The following CCDC171 variants were observed in gnomAD, a reference collection of about 807,000 sequenced individuals.
The protein encoded by CCDC171 is coiled-coil domain-containing protein 171.
Under a neutral mutation model 168.2 loss-of-function variants are expected in CCDC171, and 177 were observed. The ratio of observed to expected loss-of-function variants is 1.05; its 90% CI spans 0.93 to 1.19. The LOEUF (loss-of-function observed/expected upper bound fraction) is 1.19, where lower values mean the gene tolerates loss of function less well. Among genes scored for constraint, CCDC171 ranks in the 50% most tolerant of loss-of-function variants. CCDC171 has a pLI of 0.00. For missense variants in CCDC171, 1,991 were observed against 1,539.0 expected (o/e 1.29, Z -4.91); for synonymous variants, 687 against 540.8 (o/e 1.27, Z -3.75).
chr9:16,003,031 C>G (rs1382097368), intron 3 of CCDC171, among the ~76,000 whole-genome samples: 1 of 152,188 alleles, frequency 6.6e-6, no homozygotes, highest in African/African-American at 2.4e-5. Flanking sequence ...TAGAACATAT[C>G]CTTGTTAAGT....
chr9:15,817,997 T>A (rs2059623898), intron 21 of CCDC171, among the ~76,000 whole-genome samples: 1 of 116,616 alleles, frequency 8.6e-6, no homozygotes, highest in East Asian at 2.2e-4. Context: ...GAGACAAAAC[T>A]TCCAGAGGAA....
intron 24 of CCDC171, among the ~76,000 whole-genome samples, chr9:15,889,798 G>A (rs1321936746): frequency 6.6e-6 from 1 of 152,088 alleles, no homozygotes; most frequent in African/African-American, 2.4e-5. Context: ...CAGATTTTTT[G>A]AAGGATCTGG....
intron 18 of CCDC171, among the ~76,000 whole-genome samples, chr9:15,767,560 G>A (rs2056788324): frequency 6.6e-6 from 1 of 151,868 alleles, no homozygotes; most frequent in South Asian, 2.1e-4. Context: ...AGGTTCCAGG[G>A]ATTAGAATGT....
chr9:15,614,226 T>C (rs1010204202), intron 6 of CCDC171, among the ~76,000 whole-genome samples: 1 of 152,140 alleles, frequency 6.6e-6, no homozygotes, highest in Non-Finnish European at 1.5e-5. Context: ...TGTCAGAGCT[T>C]TTCAAAGGCT....
At chr9:15,924,556 A>G (rs558603657) in intron 25 of CCDC171, among the ~76,000 whole-genome samples, 4 of 151,628 alleles carry the variant, frequency 2.6e-5, no homozygotes, top group African/African-American at 9.6e-5. Context: ...TACAAATTTC[A>G]TCATTTTATC....
chr9:16,058,479 T>G (rs998493684), intron 1 of CCDC171, among the ~76,000 whole-genome samples: 16 of 152,216 alleles, frequency 1.1e-4, no homozygotes, highest in Admixed American at 9.2e-4. Flanking sequence ...TTTGTGAGCA[T>G]GAAGATTCTC....
At chr9:15,810,728 G>C (rs145266416) in intron 21 of CCDC171, among the ~76,000 whole-genome samples, 22 of 152,298 alleles carry the variant, frequency 1.4e-4, no homozygotes, top group Middle Eastern at 6.8e-3. Context: ...CGCCCACCCG[G>C]AACTCGCGCT....
chr9:15,804,237 T>G (rs1338611144), intron 21 of CCDC171, among the ~76,000 whole-genome samples: 1 of 152,146 alleles, frequency 6.6e-6, no homozygotes, highest in African/African-American at 2.4e-5. Context: ...TTGTCTTGCC[T>G]GATTGCCCTG....
At chr9:15,612,906 A>G (rs1458916421) in intron 6 of CCDC171, among the ~76,000 whole-genome samples, 1 of 152,128 alleles carries the variant, frequency 6.6e-6, no homozygotes, top group Non-Finnish European at 1.5e-5. Flanking sequence ...ACTTTTCTGC[A>G]GGTTTATGTA....
chr9:15,821,939 C>G lies in CCDC171; in HGVS notation c.3268-24763C>G, dbSNP rs1588689291. 2.0e-5 allele frequency among the ~76,000 whole-genome samples: 3 copies of G among 151,394 alleles called. 1 individual carries two copies. The highest frequency in any genetic ancestry group is 4.4e-5 in the Non-Finnish European group (3 of 67,816). On this transcript the variant is annotated intron_variant, in intron 21 of 25. Coordinates refer to ENST00000380701, the MANE Select transcript of CCDC171 (RefSeq NM_173550.4). ...CGCTACCTGACTTCAAACTATACAACAAGGCTACAGTAACCAAAACACCAT... is the reference window on the plus strand; with the variant it reads ...CGCTACCTGACTTCAAACTATACAAGAAGGCTACAGTAACCAAAACACCAT...
At chr9:15,755,326 A>G (rs913029187) in intron 18 of CCDC171, among the ~76,000 whole-genome samples, 3 of 152,208 alleles carry the variant, frequency 2.0e-5, no homozygotes, top group Non-Finnish European at 4.4e-5. Flanking sequence ...CATTGTTGGT[A>G]GGAATGAAAA....
intron 24 of CCDC171, among the ~76,000 whole-genome samples, chr9:15,910,496 A>G (rs956172339): frequency 5.3e-5 from 8 of 151,970 alleles, no homozygotes; most frequent in East Asian, 1.9e-4. Context: ...AAGTTAGGTT[A>G]TGTGATGTCT....
intron 5 of CCDC171, among the ~76,000 whole-genome samples, chr9:15,591,990 A>G (rs1457742386): frequency 6.6e-6 from 1 of 152,120 alleles, no homozygotes; most frequent in Admixed American, 6.6e-5. Context: ...CATGATATGT[A>G]ACATATTTAA....
At chr9:15,887,955 C>T (rs746854505) in intron 24 of CCDC171, 1 of 152,212 alleles carries the variant, frequency 6.6e-6, no homozygotes, top group Non-Finnish European at 1.5e-5. Context: ...TCAGGCTGAG[C>T]TGAGTATGAG....
intron 24 of CCDC171, among the ~76,000 whole-genome samples, chr9:15,911,586 G>A (rs7861456): frequency 0.4 from 61,213 of 151,888 alleles, 12,465 homozygotes; most frequent in Non-Finnish European, 0.43. Flanking sequence ...TTTTGTTGCC[G>A]TTGCTTTTGG....
At chr9:15,710,573 T>A (rs907610739) in intron 11 of CCDC171, among the ~76,000 whole-genome samples, 1 of 152,010 alleles carries the variant, frequency 6.6e-6, no homozygotes, top group African/African-American at 2.4e-5. Context: ...AGTGCTGGGA[T>A]TACAGGTGTG....
At chr9:15,913,657 T>C (rs3008698) in intron 24 of CCDC171, among the ~76,000 whole-genome samples, 113,656 of 152,014 alleles carry the variant, frequency 0.75, 44,086 homozygotes, top group East Asian at 0.86. Flanking sequence ...ATTTGTCAAA[T>C]TCATTTTCCA....
At chr9:15,848,492 C>T (rs1229417996) in intron 22 of CCDC171, among the ~76,000 whole-genome samples, 1 of 151,926 alleles carries the variant, frequency 6.6e-6, no homozygotes, top group South Asian at 2.1e-4. Flanking sequence ...ATATCCCCAT[C>T]ACTAAGATTT....
intron 21 of CCDC171, among the ~76,000 whole-genome samples, chr9:15,796,753 C>G (rs1487332975): frequency 6.6e-6 from 1 of 152,098 alleles, no homozygotes. Context: ...GAGCTCCCTC[C>G]TCAGCCCTGG....
Sources: gnomAD v4.1 joint callset for allele counts (sites outside exome capture counted in the v4.1 genomes callset) on GRCh38, gnomAD v4.1.1 for gene constraint, MANE v1.5 for transcripts, NCBI Gene and HGNC (gene_info 2026-07-23, HGNC 2026-07-21) for gene names.